The following PCCA variants were observed in gnomAD, a reference collection of about 807,000 sequenced individuals.
PCCA encodes the protein propionyl-CoA carboxylase subunit alpha, also known as propionyl-CoA carboxylase alpha chain, mitochondrial.
PCCA carries 74 observed loss-of-function variants against 101.3 expected under a neutral mutation model. That is an observed-to-expected ratio of 0.73 (90% CI 0.61 to 0.89). The LOEUF (loss-of-function observed/expected upper bound fraction) is 0.89, where lower values mean the gene tolerates loss of function less well. PCCA is among the 40% of genes least tolerant of loss of function. The pLI is 0.00. For synonymous variants in PCCA, 294 were observed against 313.6 expected, an observed-to-expected ratio of 0.94 and a Z score of 0.66; for missense variants, 891 against 907.0, an observed-to-expected ratio of 0.98 and a Z score of 0.23.
At chr13:100,143,556 A>T (rs931207157) in intron 4 of PCCA, among the ~76,000 whole-genome samples, 11 of 151,734 alleles carry the variant, frequency 7.2e-5, no homozygotes, top group African/African-American at 2.4e-4. Flanking sequence ...AAAAATAAAA[A>T]AAAAAAATAA....
chr13:100,328,147 G>A (rs1055503993), intron 16 of PCCA, among the ~76,000 whole-genome samples: 20 of 152,108 alleles, frequency 1.3e-4, no homozygotes, highest in African/African-American at 3.6e-4. Flanking sequence ...GGCAGATCAC[G>A]AGGTCAGGAG....
At chr13:100,516,762 A>AGTGTGTGTGTG (rs1382893777) in intron 22 of PCCA, among the ~76,000 whole-genome samples, 4,877 of 109,052 alleles carry the variant, frequency 0.045, 133 homozygotes, top group Middle Eastern at 0.11. Flanking sequence ...TGTGTGTGTA[A>AGTGTGTGTGTG]TGTGTGTAAA....
intron 4 of PCCA, among the ~76,000 whole-genome samples, chr13:100,116,765 T>G (rs2048838006): frequency 1.3e-5 from 2 of 152,336 alleles, no homozygotes; most frequent in South Asian, 4.1e-4. Flanking sequence ...AACCTTTTTT[T>G]GTTTGAAAGT....
intron 4 of PCCA, among the ~76,000 whole-genome samples, chr13:100,122,092 C>G (rs1223246791): frequency 6.6e-6 from 1 of 152,104 alleles, no homozygotes; most frequent in Non-Finnish European, 1.5e-5. Context: ...AATGCTTTTT[C>G]TGTGTTTACT....
At chr13:100,476,134 G>A (rs1408307971) in intron 21 of PCCA, among the ~76,000 whole-genome samples, 1 of 152,014 alleles carries the variant, frequency 6.6e-6, no homozygotes, top group African/African-American at 2.4e-5. Context: ...TGTGCAGGAA[G>A]GTCATTATAT....
intron 4 of PCCA, chr13:100,151,157 G>C: frequency 1.1e-6 from 1 of 878,508 alleles, no homozygotes; most frequent in Non-Finnish European, 1.7e-6. Flanking sequence ...TTTTTTAAAA[G>C]TTAATAAAGA....
intron 12 of PCCA, among the ~76,000 whole-genome samples, chr13:100,275,090 T>C (rs550070744): frequency 1.3e-5 from 2 of 152,090 alleles, no homozygotes; most frequent in South Asian, 4.2e-4. Flanking sequence ...ACTGCAGGCA[T>C]GAGCTGGGTC....
chr13:100,109,361 T>C (rs973941632), intron 2 of PCCA, among the ~76,000 whole-genome samples: 2 of 152,164 alleles, frequency 1.3e-5, no homozygotes, highest in Non-Finnish European at 2.9e-5. Flanking sequence ...GCAGACTGAC[T>C]CGTAATGACC....
At chr13:100,464,517 C>G (rs2082374764) in intron 21 of PCCA, 1 of 152,164 alleles carries the variant, frequency 6.6e-6, no homozygotes, top group Admixed American at 6.5e-5. Flanking sequence ...TGCTTGGAGA[C>G]ATGCTATCAT....
At chr13:100,241,286 CT>C (rs1463788643) in intron 8 of PCCA, among the ~76,000 whole-genome samples, 1 of 144,678 alleles carries the variant, frequency 6.9e-6, no homozygotes, top group Non-Finnish European at 1.5e-5. Context: ...CATTAATTTA[CT>C]TTGTGTCTTG....
chr13:100,094,285 T>G (rs2046567058), intron 1 of PCCA, among the ~76,000 whole-genome samples: 1 of 151,918 alleles, frequency 6.6e-6, no homozygotes, highest in African/African-American at 2.4e-5. Flanking sequence ...TCTTTGATCT[T>G]TAATGAGAAT....
intron 19 of PCCA, among the ~76,000 whole-genome samples, chr13:100,411,467 A>G (rs1182453790): frequency 3.3e-5 from 5 of 152,150 alleles, no homozygotes; most frequent in African/African-American, 7.2e-5. Flanking sequence ...AAAAAGCACA[A>G]CATTACTTCT....
At chr13:100,167,346 C>A (rs2055149924) in intron 6 of PCCA, among the ~76,000 whole-genome samples, 1 of 151,884 alleles carries the variant, frequency 6.6e-6, no homozygotes, top group Non-Finnish European at 1.5e-5. Flanking sequence ...TCCAAGAGTT[C>A]CAGACTAGCC....
intron 21 of PCCA, among the ~76,000 whole-genome samples, chr13:100,468,814 C>G (rs146979872): frequency 6.6e-6 from 1 of 152,032 alleles, no homozygotes; most frequent in South Asian, 2.1e-4. Flanking sequence ...CACTTGAGGT[C>G]AGGAGTTCGA....
chr13:100,221,661 C>T (rs780320988), intron 7 of PCCA, among the ~76,000 whole-genome samples: 100 of 152,014 alleles, frequency 6.6e-4, no homozygotes, highest in Admixed American at 1.1e-3. Flanking sequence ...GAATTTGTGA[C>T]GCCACAGCTG....
intron 19 of PCCA, among the ~76,000 whole-genome samples, chr13:100,378,344 T>C (rs1479525545): frequency 6.6e-6 from 1 of 152,220 alleles, no homozygotes; most frequent in Non-Finnish European, 1.5e-5. Context: ...GATACTTTTC[T>C]CTTACAGTTT....
At position 100,107,037 on chromosome 13, in the gene PCCA, A is replaced by G. The variant is rs376853354; in HGVS notation, c.183+4077A>G. On this transcript the variant is annotated intron_variant, in intron 2 of 23. Transcript: ENST00000376285. ...CCTGCTGTCCTTGTAACCATTCATT[A>G]AATACTGACCTGGTTTGTTTATACC... is the stretch of plus-strand genomic sequence containing the variant. 9.2e-5 allele frequency among the ~76,000 whole-genome samples: 14 copies of G among 152,298 alleles called. No individual in the cohort carries two copies. The South Asian group carries it at 2.1e-3, about 23-fold the overall frequency.
intron 4 of PCCA, among the ~76,000 whole-genome samples, chr13:100,136,710 C>G (rs966749599): frequency 6.1e-4 from 93 of 152,166 alleles, no homozygotes; most frequent in African/African-American, 2.0e-3. Context: ...TCTTAGAAAC[C>G]TTTTATTATC....
chr13:100,159,379 G>A (rs564640771), intron 6 of PCCA, among the ~76,000 whole-genome samples: 1 of 152,126 alleles, frequency 6.6e-6, no homozygotes, highest in South Asian at 2.1e-4. Context: ...GTGAGCCACT[G>A]TGTCTGGCCA....
Sources: allele counts gnomAD v4.1 joint callset (sites outside exome capture counted in the v4.1 genomes callset), GRCh38; gene constraint gnomAD v4.1.1; transcripts MANE v1.5; gene names NCBI Gene and HGNC (gene_info 2026-07-23, HGNC 2026-07-21).